RBFOX1: variants seen among roughly 807,000 people sequenced by gnomAD.
The protein encoded by RBFOX1 is RNA binding fox-1 homolog 1, also known as RNA binding protein fox-1 homolog 1.
In RBFOX1, 8 loss-of-function variants were observed where a neutral mutation model predicts 57.7. The ratio of observed to expected loss-of-function variants is 0.14; its 90% CI spans 0.08 to 0.25. RBFOX1 has a LOEUF of 0.25. RBFOX1 is among the 10% of genes least tolerant of loss of function. The probability of loss-of-function intolerance (pLI) is 1.00; values close to 1 mark genes in which losing one functional copy is unlikely to be tolerated. For missense variants in RBFOX1, 611 were observed against 548.5 expected (o/e 1.11, Z -1.14); for synonymous variants, 326 against 222.4 (o/e 1.47, Z -4.15).
At chr16:7,101,294 A>C (rs2062651412) in intron 4 of RBFOX1, among the ~76,000 whole-genome samples, 1 of 152,196 alleles carries the variant, frequency 6.6e-6, no homozygotes, top group African/African-American at 2.4e-5. Context: ...GCTTGGATGA[A>C]TACATGACAC....
Position 5,514,821 on chromosome 16 carries a change from G to A in RBFOX1, c.258+47567G>A, listed in dbSNP as rs369895029. Among the ~76,000 whole-genome samples, 3 of 152,194 alleles carry A rather than the reference G, an allele frequency of 2.0e-5. 1 individual carries two copies. The South Asian group carries it at 6.2e-4, about 32-fold the overall frequency. On this transcript the variant is annotated intron_variant, in intron 2 of 2. Transcript: ENST00000585867. ...AGAGATAACATAGTTCTGCCTTCCA[G>A]GAAGCATTTTCATTCATTTTGTATT...
At chr16:6,779,001 G>A (rs1326681160) in intron 3 of RBFOX1, among the ~76,000 whole-genome samples, 3 of 151,714 alleles carry the variant, frequency 2.0e-5, no homozygotes, top group African/African-American at 7.3e-5. Flanking sequence ...TTATCATTTT[G>A]TTGTTTTGCA....
intron 2 of RBFOX1, among the ~76,000 whole-genome samples, chr16:6,321,690 A>G (rs2081816785): frequency 1.3e-5 from 2 of 152,218 alleles, no homozygotes; most frequent in East Asian, 1.9e-4. Context: ...TCGGGCAGAT[A>G]GAGGGATGGA....
At chr16:7,517,656 C>T (rs980826049) in intron 4 of RBFOX1, among the ~76,000 whole-genome samples, 13 of 151,978 alleles carry the variant, frequency 8.6e-5, no homozygotes, top group African/African-American at 3.1e-4. Context: ...TCACATAAAA[C>T]TTTGATTAAA....
intron 4 of RBFOX1, among the ~76,000 whole-genome samples, chr16:7,214,753 A>G (rs1248646222): frequency 8.6e-5 from 13 of 151,898 alleles, no homozygotes. Flanking sequence ...ATTTTTCTCC[A>G]TGGTTTCCTT....
intron 4 of RBFOX1, among the ~76,000 whole-genome samples, chr16:7,344,633 A>T (rs1053671240): frequency 7.2e-5 from 11 of 151,946 alleles, no homozygotes; most frequent in Non-Finnish European, 1.5e-5. Context: ...AAGTTACTCC[A>T]TTGGGGATTT....
At chr16:6,702,602 C>G (rs1352943144) in intron 3 of RBFOX1, among the ~76,000 whole-genome samples, 1 of 151,932 alleles carries the variant, frequency 6.6e-6, no homozygotes, top group African/African-American at 2.4e-5. Context: ...TATTCCTTCC[C>G]AAAAAGTTCT....
intron 3 of RBFOX1, among the ~76,000 whole-genome samples, chr16:6,853,860 G>C (rs182427105): frequency 6.6e-6 from 1 of 152,126 alleles, no homozygotes; most frequent in Non-Finnish European, 1.5e-5. Context: ...TGATGAGTAT[G>C]GTAAATGGTT....
At chr16:7,348,397 AT>A (rs377195906) in intron 4 of RBFOX1, among the ~76,000 whole-genome samples, 34,914 of 148,524 alleles carry the variant, frequency 0.24, 7,162 homozygotes, top group African/African-American at 0.56. Context: ...AAATTAATGA[AT>A]TTTTTTTTTT....
intron 4 of RBFOX1, among the ~76,000 whole-genome samples, chr16:7,389,269 G>A (rs2097946454): frequency 6.6e-6 from 1 of 152,062 alleles, no homozygotes; most frequent in Non-Finnish European, 1.5e-5. Flanking sequence ...GGCAGCACAG[G>A]TGTGTGTCAC....
chr16:7,537,106 T>G (rs1288213363), intron 5 of RBFOX1, among the ~76,000 whole-genome samples: 1 of 152,214 alleles, frequency 6.6e-6, no homozygotes. Context: ...GGTTTGATTT[T>G]GGGAATGATC....
At chr16:5,697,732 G>C (rs919490740) in intron 3 of RBFOX1, among the ~76,000 whole-genome samples, 2 of 151,620 alleles carry the variant, frequency 1.3e-5, no homozygotes, top group African/African-American at 2.4e-5. Context: ...AGGGTTATCT[G>C]CATATTGGCC....
chr16:7,046,449 A>G (rs2047972423), intron 3 of RBFOX1, among the ~76,000 whole-genome samples: 1 of 152,090 alleles, frequency 6.6e-6, no homozygotes, highest in Admixed American at 6.6e-5. Flanking sequence ...GACTTCGGTG[A>G]TTGTTTTTAC....
intron 1 of RBFOX1, among the ~76,000 whole-genome samples, chr16:5,455,788 A>G (rs989109358): frequency 6.6e-6 from 1 of 152,202 alleles, no homozygotes; most frequent in Non-Finnish European, 1.5e-5. Flanking sequence ...AGTGAAATGC[A>G]GGGTGAAGGG....
At chr16:5,564,532 A>C (rs2045995436) in intron 2 of RBFOX1, among the ~76,000 whole-genome samples, 1 of 152,032 alleles carries the variant, frequency 6.6e-6, no homozygotes, top group Non-Finnish European at 1.5e-5. Flanking sequence ...TCAGGTGTGT[A>C]CCCTTTCCCT....
chr16:5,588,559 C>G (rs1002243462), intron 2 of RBFOX1, among the ~76,000 whole-genome samples: 9 of 152,138 alleles, frequency 5.9e-5, no homozygotes, highest in African/African-American at 1.4e-4. Flanking sequence ...TTGACTTTGT[C>G]TGACGTGGGC....
chr16:6,816,737 CAAAAAAAAA>C (rs1181907817), intron 3 of RBFOX1, among the ~76,000 whole-genome samples: 2 of 95,650 alleles, frequency 2.1e-5, no homozygotes, highest in South Asian at 7.2e-4. Context: ...AAGACTGTCT[CAAAAAAAAA>C]AAAAAAAGGA....
chr16:7,423,711 C>T (rs967588189), intron 4 of RBFOX1, among the ~76,000 whole-genome samples: 6 of 152,140 alleles, frequency 3.9e-5, no homozygotes, highest in African/African-American at 1.2e-4. Context: ...GAGGAGGAGG[C>T]TGGGCCACTT....
intron 1 of RBFOX1, among the ~76,000 whole-genome samples, chr16:5,439,637 TC>T (rs1169221175): frequency 1.3e-5 from 2 of 152,162 alleles, no homozygotes; most frequent in East Asian, 3.9e-4. Context: ...GATGATGGTG[TC>T]CTTTAATGAG....
Sources: allele counts gnomAD v4.1 joint callset (sites outside exome capture counted in the v4.1 genomes callset), GRCh38; gene constraint gnomAD v4.1.1; transcripts MANE v1.5; gene names NCBI Gene and HGNC (gene_info 2026-07-23, HGNC 2026-07-21).